The following MAP2K4 variants were observed in gnomAD, a reference collection of about 807,000 sequenced individuals.
MAP2K4 encodes the protein dual specificity mitogen-activated protein kinase kinase 4.
Under a neutral mutation model 48.5 loss-of-function variants are expected in MAP2K4, and 4 were observed. The observed-to-expected ratio is 0.08, with a 90% CI of 0.04 to 0.19. The LOEUF (loss-of-function observed/expected upper bound fraction) is 0.19. Among genes scored for constraint, MAP2K4 ranks in the 10% least tolerant of loss-of-function variants. The pLI is 1.00. For missense variants in MAP2K4, 258 were observed against 493.3 expected (o/e 0.52, Z 4.52); for synonymous variants, 166 against 173.1 (o/e 0.96, Z 0.32).
intron 1 of MAP2K4, chr17:12,027,004 G>A (rs184693675): frequency 3.3e-5 from 5 of 152,140 alleles, no homozygotes; most frequent in African/African-American, 4.8e-5. Flanking sequence ...TATATAAAAG[G>A]AACTCATTTG....
chr17:12,120,697 C>T (rs1190305434), intron 7 of MAP2K4, among the ~76,000 whole-genome samples: 1 of 152,078 alleles, frequency 6.6e-6, no homozygotes, highest in African/African-American at 2.4e-5. Flanking sequence ...AGGCAGTTGA[C>T]TAGGGAGGAA....
chr17:12,137,825 T>C lies in MAP2K4; in HGVS notation c.1041-2014T>C, dbSNP rs149485828. Among the ~76,000 whole-genome samples, 43 of 152,198 alleles carry C rather than the reference T, an allele frequency of 2.8e-4. No homozygotes were observed. The East Asian group carries it at 8.1e-3, about 29-fold the overall frequency. Reference sequence around the variant, plus strand: ...GTAAATTTAAATATAAATTTAAAAGTAAATTTTAATTGATATTCTGTAGTT... The same window carrying C: ...GTAAATTTAAATATAAATTTAAAAGCAAATTTTAATTGATATTCTGTAGTT... On this transcript the variant is annotated intron_variant, in intron 9 of 10. Coordinates refer to ENST00000353533, the MANE Select transcript of MAP2K4 (RefSeq NM_003010.4).
At chr17:12,109,372 A>AC (rs1972232017) in intron 5 of MAP2K4, among the ~76,000 whole-genome samples, 1 of 152,220 alleles carries the variant, frequency 6.6e-6, no homozygotes, top group Admixed American at 6.5e-5. Flanking sequence ...CATGTAAAAT[A>AC]CTTTGTATTT....
chr17:12,097,055 G>A (rs1170901880), intron 4 of MAP2K4, among the ~76,000 whole-genome samples: 1 of 152,086 alleles, frequency 6.6e-6, no homozygotes, highest in Non-Finnish European at 1.5e-5. Context: ...GTGCATGACT[G>A]TATCTTGGAC....
At chr17:12,071,592 C>T (rs1471980820) in intron 2 of MAP2K4, among the ~76,000 whole-genome samples, 3 of 151,868 alleles carry the variant, frequency 2.0e-5, no homozygotes, top group African/African-American at 7.3e-5. Context: ...CTCCCACCTC[C>T]AAAAAAACAA....
At chr17:12,115,568 G>A in intron 7 of MAP2K4, 1 of 697,112 alleles carries the variant, frequency 1.4e-6, no homozygotes, top group South Asian at 1.4e-5. Flanking sequence ...CCAGGCTGCG[G>A]AGGAGACTGC....
chr17:12,044,794 C>T (rs766047892), intron 1 of MAP2K4, among the ~76,000 whole-genome samples: 3 of 152,230 alleles, frequency 2.0e-5, no homozygotes, highest in Admixed American at 6.5e-5. Context: ...TCTGGGCCTT[C>T]AGAACTTCTG....
intron 1 of MAP2K4, among the ~76,000 whole-genome samples, chr17:12,046,493 A>G (rs775802629): frequency 2.2e-4 from 34 of 152,294 alleles, no homozygotes; most frequent in Non-Finnish European, 2.9e-4. Context: ...GAGATTTTCA[A>G]TTTAGCCTGT....
intron 4 of MAP2K4, among the ~76,000 whole-genome samples, chr17:12,098,091 A>G (rs1482439372): frequency 6.6e-6 from 1 of 152,232 alleles, no homozygotes; most frequent in African/African-American, 2.4e-5. Flanking sequence ...TAGTTTTACA[A>G]TAAAAGTGTA....
At chr17:12,072,662 G>T (rs985399412) in intron 2 of MAP2K4, among the ~76,000 whole-genome samples, 2 of 152,124 alleles carry the variant, frequency 1.3e-5, no homozygotes, top group African/African-American at 4.8e-5. Context: ...TGAGCTGGTT[G>T]ATCATAGTTC....
intron 1 of MAP2K4, among the ~76,000 whole-genome samples, chr17:12,024,738 G>A (rs545486556): frequency 1.3e-5 from 2 of 152,162 alleles, no homozygotes; most frequent in East Asian, 3.9e-4. Flanking sequence ...GCATATTAGG[G>A]CCTCATTCTG....
At chr17:12,095,870 G>A (rs1971721730) in intron 4 of MAP2K4, among the ~76,000 whole-genome samples, 176 bp downstream of exon 4, 1 of 150,086 alleles carries the variant, frequency 6.7e-6, no homozygotes, top group South Asian at 2.1e-4. Context: ...TGCGGTGGTG[G>A]GTAAGGGGTG....
rs1597477475 is a variant in MAP2K4, at chr17:12,110,577, T to C, written c.685+151T>C. ...ATGCTTTATGTACTTTAAAACTCTA[T>C]TACTGCTATTTTTTTCTTTGGGATT... On this transcript the variant is annotated intron_variant, in intron 6 of 10. Transcript: ENST00000353533. 3 of 585,806 alleles carry C rather than the reference T, an allele frequency of 5.1e-6. No individual in the cohort carries two copies. In the East Asian group the frequency reaches 8.9e-5, roughly 17 times the overall value. The allele number at this position is 585,806 out of a possible 1,614,324, so 36.3% of individuals were successfully genotyped here. A position where few individuals can be genotyped will look rare whatever the true frequency, so the allele number is the denominator to read the frequency against.
chr17:12,030,773 C>T (rs1447045148), intron 1 of MAP2K4, among the ~76,000 whole-genome samples: 3 of 152,144 alleles, frequency 2.0e-5, no homozygotes, highest in Admixed American at 6.5e-5. Context: ...CTCTCCTTTT[C>T]ACCTCTTTCT....
chr17:12,033,190 AATCTC>A (rs1969492049), intron 1 of MAP2K4, among the ~76,000 whole-genome samples: 1 of 152,200 alleles, frequency 6.6e-6, no homozygotes, highest in Admixed American at 6.5e-5. Context: ...CAGTTAAAAA[AATCTC>A]ATCTCAAGGA....
intron 3 of MAP2K4, among the ~76,000 whole-genome samples, chr17:12,093,120 A>G (rs893071015): frequency 6.6e-6 from 1 of 152,230 alleles, no homozygotes; most frequent in African/African-American, 2.4e-5. Context: ...CTTAGACAAA[A>G]TGTTCAGAGA....
At chr17:12,054,376 T>G (rs1373189822) in intron 1 of MAP2K4, among the ~76,000 whole-genome samples, 1 of 152,120 alleles carries the variant, frequency 6.6e-6, no homozygotes, top group Non-Finnish European at 1.5e-5. Flanking sequence ...AGAAACAGCT[T>G]CATGGAAATA....
At chr17:12,117,429 T>C (rs1473864063) in intron 7 of MAP2K4, among the ~76,000 whole-genome samples, 1 of 151,796 alleles carries the variant, frequency 6.6e-6, no homozygotes, top group Non-Finnish European at 1.5e-5. Flanking sequence ...AAGACCCTTG[T>C]GGCCCCCTTT....
At chr17:12,038,098 A>G (rs148918785) in intron 1 of MAP2K4, among the ~76,000 whole-genome samples, 21 of 152,302 alleles carry the variant, frequency 1.4e-4, no homozygotes, top group East Asian at 3.9e-4. Flanking sequence ...GAACTTTACT[A>G]CTAGCAACAA....
Sources: gnomAD v4.1 joint callset for allele counts (sites outside exome capture counted in the v4.1 genomes callset) on GRCh38, gnomAD v4.1.1 for gene constraint, MANE v1.5 for transcripts, NCBI Gene and HGNC (gene_info 2026-07-23, HGNC 2026-07-21) for gene names.